DMD: variants seen among roughly 807,000 people sequenced by gnomAD.
The protein encoded by DMD is mutant dystrophin.
DMD carries 63 observed loss-of-function variants against 330.1 expected under a neutral mutation model. The ratio of observed to expected loss-of-function variants is 0.19; its 90% CI spans 0.16 to 0.24. The LOEUF is 0.24. Among genes scored for constraint, DMD ranks in the 10% least tolerant of loss-of-function variants. DMD has a pLI of 1.00. For synonymous variants in DMD, 1,223 were observed against 959.8 expected (o/e 1.27, Z -5.07); for missense variants, 3,344 against 2,684.1 (o/e 1.25, Z -5.43).
At chrX:32,499,550 C>T (rs2043832101) in intron 19 of DMD, among the ~76,000 whole-genome samples, 1 of 111,717 alleles carries the variant, frequency 9.0e-6, no homozygotes, top group South Asian at 3.7e-4. Flanking sequence ...ATTTTCCTTT[C>T]TATACAAAAA....
chrX:32,536,277 A>C (rs866416974), intron 17 of DMD, among the ~76,000 whole-genome samples: 1,104 of 107,452 alleles, frequency 0.01, 26 homozygotes, highest in African/African-American at 0.036. Context: ...AAAAAAAAAA[A>C]AAAAAAAAAA....
chrX:32,682,935 G>A (rs915510386), intron 9 of DMD, among the ~76,000 whole-genome samples: 1 of 111,621 alleles, frequency 9.0e-6, no homozygotes, highest in Admixed American at 9.6e-5. Context: ...GTTTCATCAG[G>A]CTGGGTTTCC....
chrX:32,482,876 G>A (rs968404449), intron 21 of DMD, among the ~76,000 whole-genome samples: 1 of 109,065 alleles, frequency 9.2e-6, no homozygotes, highest in African/African-American at 3.3e-5. Context: ...AACACTGATA[G>A]TATATTTTAA....
chrX:32,883,569 A>C (rs1400207248), intron 2 of DMD, among the ~76,000 whole-genome samples: 1 of 110,661 alleles, frequency 9.0e-6, no homozygotes, highest in Non-Finnish European at 1.9e-5. Flanking sequence ...TCACGCCTGT[A>C]ATCCCCGCAC....
chrX:31,798,299 A>G (rs1479031202), intron 50 of DMD, among the ~76,000 whole-genome samples: 1 of 110,612 alleles, frequency 9.0e-6, no homozygotes, highest in Non-Finnish European at 1.9e-5. Context: ...CAAAGCAAAC[A>G]ACGAGACAGC....
chrX:32,920,083 CTCAA>C (rs1310068953), intron 2 of DMD, among the ~76,000 whole-genome samples: 1 of 111,301 alleles, frequency 9.0e-6, no homozygotes, highest in Non-Finnish European at 1.9e-5. Context: ...AACCTCCGTC[CTCAA>C]TCAAACACTA....
At chrX:32,761,102 G>T (rs891734818) in intron 7 of DMD, among the ~76,000 whole-genome samples, 1 of 111,775 alleles carries the variant, frequency 8.9e-6, no homozygotes, top group Non-Finnish European at 1.9e-5. Flanking sequence ...ATCAACTCAT[G>T]TCCAAGATGT....
chrX:31,284,557 T>TTTCTTCTTCTTCTTCTTCTTCTTATTC (rs2052899724), intron 62 of DMD, among the ~76,000 whole-genome samples: 33 of 78,070 alleles, frequency 4.2e-4, no homozygotes, highest in Admixed American at 1.2e-3. Context: ...TAACGAACTG[T>TTTCTTCTTCTTCTTCTTCTTCTTATTC]TTCTTCTTCT....
intron 1 of DMD, among the ~76,000 whole-genome samples, chrX:33,101,638 A>T (rs1389453739): frequency 1.8e-5 from 2 of 111,898 alleles, no homozygotes; most frequent in Non-Finnish European, 3.8e-5. Context: ...CTCTCAAAAA[A>T]AGAAAAGAAA....
At chrX:31,466,791 G>A (rs938807746) in intron 59 of DMD, among the ~76,000 whole-genome samples, 18 of 111,728 alleles carry the variant, frequency 1.6e-4, no homozygotes, top group African/African-American at 5.5e-4. Context: ...TCCTATCCAT[G>A]AGCATGGAAT....
At chrX:31,961,142 T>C (rs2095298904) in intron 45 of DMD, among the ~76,000 whole-genome samples, 1 of 112,107 alleles carries the variant, frequency 8.9e-6, no homozygotes, top group Admixed American at 9.5e-5. Flanking sequence ...TAAATTGAAG[T>C]TACTTGTCTC....
intron 2 of DMD, among the ~76,000 whole-genome samples, chrX:32,858,742 T>G (rs1411996876): frequency 1.8e-5 from 2 of 111,581 alleles, no homozygotes; most frequent in Non-Finnish European, 3.8e-5. Flanking sequence ...TGTAACTTTA[T>G]AGACCTTTCG....
chrX:33,273,790 G>A (rs954839559), intron 1 of DMD, among the ~76,000 whole-genome samples: 1 of 112,168 alleles, frequency 8.9e-6, no homozygotes, highest in Non-Finnish European at 1.9e-5. Context: ...AATATGCATG[G>A]CCTGCCCTCT....
At position 31,714,592 on chromosome X, in the gene DMD, T is replaced by C. The variant is rs181616519; in HGVS notation, c.7660+15039A>G. Among the ~76,000 whole-genome samples the C allele has an allele frequency of 1.3e-3, 150 of 111,478 alleles. 1 individual carries two copies. The highest frequency in any genetic ancestry group is 4.5e-3 in the African/African-American group (137 of 30,778). On this transcript the variant is annotated intron_variant, in intron 52 of 78. Coordinates refer to ENST00000357033, the MANE Select transcript of DMD (RefSeq NM_004006.3). The stretch of plus-strand genomic sequence containing the variant: ...AACTGTATACATATGCCAAGTATTT[T>C]AGAGGATGAAATTTTCAATTGGAAA...
intron 2 of DMD, among the ~76,000 whole-genome samples, chrX:32,871,453 T>C (rs1219754384): frequency 9.0e-6 from 1 of 111,149 alleles, no homozygotes; most frequent in Non-Finnish European, 1.9e-5. Context: ...GCTATATATG[T>C]GTACTTCCTC....
At chrX:33,030,720 C>A (rs2094094548) in intron 1 of DMD, among the ~76,000 whole-genome samples, 1 of 111,464 alleles carries the variant, frequency 9.0e-6, no homozygotes, top group East Asian at 2.8e-4. Context: ...TAACTAGATG[C>A]CTGTTTCCAT....
chrX:31,885,708 T>A (rs1156375752), intron 47 of DMD, among the ~76,000 whole-genome samples: 2 of 109,628 alleles, frequency 1.8e-5, no homozygotes, highest in Non-Finnish European at 3.8e-5. Flanking sequence ...TTTGTGTGAG[T>A]ACAATCTATA....
chrX:32,777,332 C>T (rs1030350036), intron 7 of DMD, among the ~76,000 whole-genome samples: 2 of 83,230 alleles, frequency 2.4e-5, no homozygotes, highest in Non-Finnish European at 4.4e-5. Flanking sequence ...ATTGAAATAA[C>T]TAGGATAGTA....
At chrX:32,881,128 GTAGA>G (rs1442065071) in intron 2 of DMD, among the ~76,000 whole-genome samples, 5 of 112,415 alleles carry the variant, frequency 4.4e-5, no homozygotes, top group Non-Finnish European at 7.5e-5. Context: ...GCTAGGAACT[GTAGA>G]TGCCAGTGTC....
Sources: allele counts gnomAD v4.1 joint callset (sites outside exome capture counted in the v4.1 genomes callset), GRCh38; gene constraint gnomAD v4.1.1; transcripts MANE v1.5; gene names NCBI Gene and HGNC (gene_info 2026-07-23, HGNC 2026-07-21).